The following HECW2 variants were observed in gnomAD, a reference collection of about 807,000 sequenced individuals.
HECW2 encodes E3 ubiquitin-protein ligase HECW2.
Under a neutral mutation model 175.2 loss-of-function variants are expected in HECW2, and 61 were observed. That is an observed-to-expected ratio of 0.35 (90% CI 0.28 to 0.43). The LOEUF is 0.43. HECW2 is among the 20% of genes least tolerant of loss of function. HECW2 has a pLI of 1.00. For missense variants in HECW2, 1,524 were observed against 2,000.5 expected (o/e 0.76, Z 4.54); for synonymous variants, 671 against 731.0 (o/e 0.92, Z 1.32).
intron 1 of HECW2, among the ~76,000 whole-genome samples, chr2:196,512,269 T>A (rs1176975136): frequency 6.6e-6 from 1 of 152,160 alleles, no homozygotes; most frequent in Non-Finnish European, 1.5e-5. Context: ...AACATTTCAG[T>A]TTTTAAAGAC....
At chr2:196,502,048 T>C (rs1559145935) in intron 1 of HECW2, among the ~76,000 whole-genome samples, 2 of 152,252 alleles carry the variant, frequency 1.3e-5, no homozygotes, top group East Asian at 1.9e-4. Flanking sequence ...GTATGAAAAC[T>C]TGGACTTTCC....
intron 1 of HECW2, among the ~76,000 whole-genome samples, chr2:196,475,504 A>G (rs929417630): frequency 6.6e-6 from 1 of 152,024 alleles, no homozygotes; most frequent in African/African-American, 2.4e-5. Flanking sequence ...ACATAGCCAG[A>G]TCCAGGGGAT....
chr2:196,416,711 T>C (rs1575520131), intron 2 of HECW2, among the ~76,000 whole-genome samples: 1 of 152,246 alleles, frequency 6.6e-6, no homozygotes, highest in African/African-American at 2.4e-5. Context: ...AAATATACAA[T>C]TCTTCCAAGT....
intron 17 of HECW2, among the ~76,000 whole-genome samples, chr2:196,260,987 T>A (rs1053018821): frequency 6.6e-6 from 1 of 152,148 alleles, no homozygotes; most frequent in Admixed American, 6.5e-5. Context: ...GCCATATGAC[T>A]TCGGGTCCCA....
chr2:196,518,830 T>C (rs1242058415), intron 1 of HECW2, among the ~76,000 whole-genome samples: 1 of 152,066 alleles, frequency 6.6e-6, no homozygotes, highest in East Asian at 1.9e-4. Context: ...CTCTGCCTCT[T>C]ACAAGCAGCC....
chr2:196,203,067 A>G (rs1686925100), intron 28 of HECW2, among the ~76,000 whole-genome samples: 1 of 152,142 alleles, frequency 6.6e-6, no homozygotes, highest in South Asian at 2.1e-4. Context: ...TTGTGGCATC[A>G]TGTTGGCACT....
At chr2:196,411,113 C>T (rs751463605) in intron 2 of HECW2, among the ~76,000 whole-genome samples, 2 of 152,232 alleles carry the variant, frequency 1.3e-5, no homozygotes, top group Non-Finnish European at 2.9e-5. Flanking sequence ...ATCCTCCTGC[C>T]TCAGTTTCCT....
At chr2:196,422,613 T>C (rs575144852) in intron 2 of HECW2, among the ~76,000 whole-genome samples, 33 of 152,222 alleles carry the variant, frequency 2.2e-4, no homozygotes, top group African/African-American at 7.9e-4. Context: ...AATAATCCTT[T>C]GTTCTGTTAA....
intron 1 of HECW2, among the ~76,000 whole-genome samples, chr2:196,458,720 G>T (rs1368923749): frequency 6.6e-6 from 1 of 152,110 alleles, no homozygotes; most frequent in Non-Finnish European, 1.5e-5. Context: ...ACAAAAATTA[G>T]CTGGGCGTGG....
intron 23 of HECW2, among the ~76,000 whole-genome samples, chr2:196,224,056 T>C (rs1559446589): frequency 1.3e-5 from 2 of 152,150 alleles, no homozygotes; most frequent in South Asian, 2.1e-4. Flanking sequence ...TGGGAAAAAG[T>C]ACCACAGGTG....
chr2:196,325,174 G>C, intron 5 of HECW2, 25 bp from the exon 6 acceptor site: 1 of 1,538,578 alleles, frequency 6.5e-7, no homozygotes, highest in Non-Finnish European at 8.8e-7. Flanking sequence ...GGAGAAGGAG[G>C]GAGGGACAAA....
intron 21 of HECW2, among the ~76,000 whole-genome samples, chr2:196,232,269 G>T (rs10167666): frequency 0.028 from 4,306 of 152,200 alleles, 169 homozygotes; most frequent in African/African-American, 0.095. Context: ...GAAGTATCAG[G>T]GTTTCTTTAA....
At chr2:196,296,817 A>G (rs1394615265) in intron 13 of HECW2, among the ~76,000 whole-genome samples, 1 of 152,236 alleles carries the variant, frequency 6.6e-6, no homozygotes, top group Middle Eastern at 3.2e-3. Context: ...AAGAGCCAAA[A>G]ACACTAAACA....
intron 1 of HECW2, among the ~76,000 whole-genome samples, chr2:196,503,703 C>G (rs1321432667): frequency 6.6e-5 from 10 of 152,182 alleles, no homozygotes; most frequent in African/African-American, 2.2e-4. Context: ...AGAGAAAAAA[C>G]AAGAAAAAAG....
At chr2:196,464,079 A>G (rs1696852036) in intron 1 of HECW2, among the ~76,000 whole-genome samples, 1 of 151,506 alleles carries the variant, frequency 6.6e-6, no homozygotes. Context: ...TCTGAATAGG[A>G]ATACATTAAA....
At chr2:196,462,944 G>T (rs1050219164) in intron 1 of HECW2, among the ~76,000 whole-genome samples, 16 of 152,188 alleles carry the variant, frequency 1.1e-4, no homozygotes, top group Admixed American at 6.5e-5. Flanking sequence ...ATACAAGAGA[G>T]AAGTGCCCTC....
intron 2 of HECW2, chr2:196,361,919 G>A (rs573699822): frequency 1.5e-5 from 15 of 985,238 alleles, no homozygotes; most frequent in African/African-American, 8.7e-5. Context: ...GCCAACCCAC[G>A]TGGCAGTTTC....
At chr2:196,461,638 C>T (rs966796688) in intron 1 of HECW2, among the ~76,000 whole-genome samples, 3 of 152,066 alleles carry the variant, frequency 2.0e-5, no homozygotes, top group South Asian at 2.1e-4. Flanking sequence ...CGGGGGAGGC[C>T]TCAGGAAACT....
chr2:196,587,973 G>T (rs1691048024), intron 1 of HECW2, among the ~76,000 whole-genome samples: 1 of 152,044 alleles, frequency 6.6e-6, no homozygotes, highest in African/African-American at 2.4e-5. Context: ...CTTTGCACTG[G>T]CCATCCTGCA....
Sources: gnomAD v4.1 joint callset for allele counts (sites outside exome capture counted in the v4.1 genomes callset) on GRCh38, gnomAD v4.1.1 for gene constraint, MANE v1.5 for transcripts, NCBI Gene and HGNC (gene_info 2026-07-23, HGNC 2026-07-21) for gene names.